Variants in DKK3 observed in about 807,000 individuals in gnomAD.
DKK3 encodes dickkopf-related protein 3.
Under a neutral mutation model 33.2 loss-of-function variants are expected in DKK3, and 22 were observed. The observed-to-expected ratio is 0.66, with a 90% CI of 0.47 to 0.95. DKK3 has a LOEUF of 0.95. DKK3 is among the 40% of genes least tolerant of loss of function. DKK3 has a pLI of 0.00. For missense variants in DKK3, 398 were observed against 458.4 expected, an observed-to-expected ratio of 0.87 and a Z score of 1.20; for synonymous variants, 194 against 188.8, an observed-to-expected ratio of 1.03 and a Z score of -0.23.
chr11:11,977,806 G>A (rs1019088030), intron 3 of DKK3, among the ~76,000 whole-genome samples: 5 of 152,156 alleles, frequency 3.3e-5, no homozygotes, highest in Admixed American at 6.5e-5. Flanking sequence ...TCCCAGACCC[G>A]CTGCCTCCTC....
chr11:11,969,450 C>T (rs576165937), intron 3 of DKK3, among the ~76,000 whole-genome samples: 124 of 152,226 alleles, frequency 8.1e-4, no homozygotes, highest in African/African-American at 2.8e-3. Flanking sequence ...TATTGCCAGC[C>T]GGGAAATGGA....
Position 11,964,263 on chromosome 11 carries a change from C to T in DKK3, c.*201G>A. 1.5e-6 allele frequency: 1 copy of T among 683,562 alleles called. No homozygotes were observed. Among genetic ancestry groups the T allele is most frequent in the Non-Finnish European group, 2.4e-6 (1 of 409,960 alleles). 42.3% of individuals were successfully genotyped at this position (683,562 alleles called of 1,614,324 possible). A position where few individuals can be genotyped will look rare whatever the true frequency, so the allele number is the denominator to read the frequency against. On this transcript the variant is annotated 3_prime_UTR_variant, in exon 7 of 7. Coordinates refer to ENST00000683431, the MANE Select transcript of DKK3 (RefSeq NM_001018057.2). ...CTGCAGTTTAACCCTGCCTGACTCT[C>T]CCAAGCACCAGACTGTGAAGCCTGG...
chr11:11,968,115 C>T (rs1019756494), intron 4 of DKK3, among the ~76,000 whole-genome samples: 3 of 152,156 alleles, frequency 2.0e-5, no homozygotes, highest in Non-Finnish European at 2.9e-5. Context: ...GGTGCCTGGC[C>T]GTCCCTCCCC....
intron 2 of DKK3, among the ~76,000 whole-genome samples, chr11:12,000,047 C>T (rs1241910973): frequency 6.6e-6 from 1 of 152,196 alleles, no homozygotes; most frequent in Non-Finnish European, 1.5e-5. Context: ...GTATGGGTTG[C>T]ATGACTTATT....
chr11:11,969,592 C>G (rs941236265), intron 3 of DKK3, among the ~76,000 whole-genome samples: 3 of 152,144 alleles, frequency 2.0e-5, no homozygotes, highest in African/African-American at 7.2e-5. Context: ...CTCCTGAGGC[C>G]TGGTATTCTG....
At chr11:11,997,299 T>C (rs761127607) in intron 3 of DKK3, among the ~76,000 whole-genome samples, 1 of 152,184 alleles carries the variant, frequency 6.6e-6, no homozygotes, top group Non-Finnish European at 1.5e-5. Flanking sequence ...CCCCTGCCCT[T>C]TTCATTCTAC....
chr11:11,971,549 A>G (rs1847725981), intron 3 of DKK3, among the ~76,000 whole-genome samples: 3 of 152,348 alleles, frequency 2.0e-5, no homozygotes, highest in Admixed American at 2.0e-4. Context: ...CAATGGTTTG[A>G]GAACTAGAGC....
At position 11,964,561 on chromosome 11, in the gene DKK3, T is replaced by G. The variant is rs796570789; in HGVS notation, c.956A>C (p.Gln319Pro). 5 of 1,614,078 alleles carry G rather than the reference T, an allele frequency of 3.1e-6. No individual in the cohort carries two copies. In the Admixed American group the frequency reaches 8.3e-5, roughly 27 times the overall value. ...EVGSFMEEVRQELEDLERSLT... is the reference protein window; with the variant it reads ...EVGSFMEEVRPELEDLERSLT... ...GCTCCTCTCCAGGTCCTCCAGCTCCTGGCGCACCTCCTCCATGAAGCTGCC... is the reference window on the plus strand; with the variant it reads ...GCTCCTCTCCAGGTCCTCCAGCTCCGGGCGCACCTCCTCCATGAAGCTGCC... Residue 319 changes from glutamine (Q) to proline (P), a missense_variant, in exon 7 of 7, where the codon CAG becomes CCG. By Grantham distance (76) the Gln-to-Pro change is moderately conservative (BLOSUM62 -1). Transcript: ENST00000683431.
intron 3 of DKK3, among the ~76,000 whole-genome samples, chr11:11,985,705 G>C (rs1848055678): frequency 6.6e-6 from 1 of 152,222 alleles, no homozygotes; most frequent in Admixed American, 6.5e-5. Context: ...TTAACTCAGG[G>C]CTAGTACACT....
In DKK3 at chr11:11,964,295, G is replaced by T. The variant is rs1296584840; in HGVS notation, c.*169C>A. 1.6e-5 allele frequency: 14 copies of T among 866,436 alleles called. No homozygotes were observed. The Admixed American group carries it at 3.2e-4, about 20-fold the overall frequency. 53.7% of individuals were successfully genotyped at this position (866,436 alleles called of 1,614,324 possible). A position where few individuals can be genotyped will look rare whatever the true frequency, so the allele number is the denominator to read the frequency against. The stretch of plus-strand genomic sequence containing the variant: ...ACCAGACTGTGAAGCCTGGAGAACA[G>T]CCTGGGGGAGCTGAACAAATGCACA... On this transcript the variant is annotated 3_prime_UTR_variant, in exon 7 of 7. Coordinates refer to ENST00000683431, the MANE Select transcript of DKK3 (RefSeq NM_001018057.2).
Position 12,002,265 on chromosome 11 carries a change from G to A in DKK3, c.351+35C>T, listed in dbSNP as rs183444444. ...CCTTAGTTCTCTGATGGGACTGGACGCTATAGAAAGGAGGAAGTGCTGGCC... is the reference window on the plus strand; with the variant it reads ...CCTTAGTTCTCTGATGGGACTGGACACTATAGAAAGGAGGAAGTGCTGGCC... On this transcript the variant is annotated intron_variant, in intron 2 of 6. Transcript: ENST00000683431. 2,778 of 1,598,406 alleles carry A rather than the reference G, an allele frequency of 1.7e-3. 37 individuals carry two copies. The South Asian group carries it at 0.018, about 11-fold the overall frequency.
rs111819901 is a variant in DKK3, at chr11:11,991,361, T to C, written c.435+7335A>G. Among the ~76,000 whole-genome samples the C allele has an allele frequency of 3.9e-3, 597 of 152,250 alleles. 3 individuals are homozygous for C. The highest frequency in any genetic ancestry group is 0.013 in the African/African-American group (551 of 41,528). On this transcript the variant is annotated intron_variant, in intron 3 of 6. Transcript: ENST00000683431. ...GACCTAGCAGAAGGTAGCTGGGTCA[T>C]GGGGGCAGATCCCTTATGAGTGGCT...
Position 11,968,487 on chromosome 11 carries a change from C to T in DKK3, c.436G>A (p.Glu146Lys). The change falls in exon 4 of 7, where the codon GAG becomes AAG. Residue 146 changes from glutamate (E) to lysine (K), a missense_variant and splice_region_variant. Physicochemically the swap from Glu to Lys is moderately conservative, Grantham distance 56. Transcript: ENST00000683431. The stretch of plus-strand genomic sequence containing the variant: ...CCACAGTCCTCGTCGATGATGCACT[C>T]CTGGGGAAGGGCACAGGGAGCAGAT... ...VGDEEGRRSHECIIDEDCGPS... is the reference protein window; with the variant it reads ...VGDEEGRRSHKCIIDEDCGPS... The T allele has an allele frequency of 6.2e-7, 1 of 1,612,784 alleles. No homozygotes were observed. The highest frequency in any genetic ancestry group is 8.5e-7 in the Non-Finnish European group (1 of 1,179,334).
chr11:12,006,002 G>C (rs148178183), intron 1 of DKK3, among the ~76,000 whole-genome samples: 183 of 152,236 alleles, frequency 1.2e-3, no homozygotes, highest in African/African-American at 4.3e-3. Flanking sequence ...ACTGCTACTA[G>C]TAATATGATG....
At position 11,965,955 on chromosome 11, in the gene DKK3, G is replaced by T; in HGVS notation, c.684C>A (p.Phe228Leu). The change falls in exon 6 of 7, where the codon TTC becomes TTA. Residue 228 changes from phenylalanine to leucine, a missense_variant. Physicochemically the swap from Phe to Leu is conservative, Grantham distance 22. Transcript: ENST00000683431. The part of the protein sequence containing the change: ...LCCAFQRGLL[F>L]PVCTPLPVEG... The stretch of plus-strand genomic sequence containing the variant: ...CCACGGGCAGGGGTGTGCACACAGG[G>T]AACAGCAGGCCTGGAACCAGCCCAG... 1.2e-6 allele frequency: 2 copies of T among 1,612,476 alleles called. No individual in the cohort carries two copies. The highest frequency in any genetic ancestry group is 1.7e-6 in the Non-Finnish European group (2 of 1,179,810).
At chr11:11,996,915 C>G (rs983041411) in intron 3 of DKK3, among the ~76,000 whole-genome samples, 1 of 152,238 alleles carries the variant, frequency 6.6e-6, no homozygotes, top group African/African-American at 2.4e-5. Context: ...CACAGGGGCA[C>G]ACAAGGCCAT....
At chr11:11,983,770 C>T (rs1848006483) in intron 3 of DKK3, among the ~76,000 whole-genome samples, 1 of 152,358 alleles carries the variant, frequency 6.6e-6, no homozygotes, top group East Asian at 1.9e-4. Flanking sequence ...ATGAGCTGGG[C>T]ACTCCTACAT....
rs890842655 is a variant in DKK3 at position 12,008,503 on chromosome 11, G to A, written c.80C>T (p.Ala27Val). ...VPTAPAPAPTATSAPVKPGPA... is the reference protein window; with the variant it reads ...VPTAPAPAPTVTSAPVKPGPA... ...GCCGGGCTTGACTGGAGCCGAGGTC[G>A]CCGTCGGAGCGGGCGCGGGGGCCGT... The change falls in exon 1 of 7, where the codon GCG becomes GTG. Residue 27 changes from alanine to valine, a missense_variant. Transcript: ENST00000683431. The surrounding 1 kb of genome is among the most constrained non-coding windows in gnomAD (Gnocchi z 4.6). The A allele has an allele frequency of 6.3e-6, 10 of 1,593,352 alleles. No homozygotes were observed. The highest frequency in any genetic ancestry group is 1.7e-5 in the Admixed American group (1 of 58,716).
intron 3 of DKK3, 164 bp downstream of exon 3, chr11:11,998,532 A>G: frequency 1.4e-6 from 1 of 706,654 alleles, no homozygotes; most frequent in Non-Finnish European, 2.6e-6. Context: ...ACTGGACTAC[A>G]TCTGTCTGGT....
Sources: allele counts gnomAD v4.1 joint callset (sites outside exome capture counted in the v4.1 genomes callset), GRCh38; gene constraint gnomAD v4.1.1; non-coding constraint Gnocchi (gnomAD v3.1); transcripts MANE v1.5; gene names NCBI Gene and HGNC (gene_info 2026-07-23, HGNC 2026-07-21).